Variants in TEX11 observed in about 807,000 individuals in gnomAD.
TEX11 encodes the protein testis expressed 11, also known as testis-expressed protein 11.
A neutral mutation model predicts 84.4 loss-of-function variants in TEX11; 7 were observed. The observed-to-expected ratio is 0.08, with a 90% CI of 0.05 to 0.16. TEX11 has a LOEUF of 0.16. Among genes scored for constraint, TEX11 ranks in the 10% least tolerant of loss-of-function variants. TEX11 has a pLI of 1.00. For missense variants in TEX11, 551 were observed against 660.5 expected (o/e 0.83, Z 1.82); for synonymous variants, 264 against 222.8 (o/e 1.18, Z -1.64).
At chrX:70,772,537 T>C (rs749413945) in intron 9 of TEX11, among the ~76,000 whole-genome samples, 1 of 111,319 alleles carries the variant, frequency 9.0e-6, no homozygotes, top group African/African-American at 3.3e-5. Context: ...ATCACAACAC[T>C]GCACTGCAGC....
At chrX:70,587,893 T>C (rs1012975041) in intron 25 of TEX11, among the ~76,000 whole-genome samples, 3 of 112,570 alleles carry the variant, frequency 2.7e-5, no homozygotes, top group African/African-American at 9.7e-5. Flanking sequence ...ACCCACCTCT[T>C]GCATCAGCAT....
intron 17 of TEX11, among the ~76,000 whole-genome samples, chrX:70,640,314 G>C (rs200665513): frequency 0.41 from 41,754 of 102,052 alleles, 8,145 homozygotes; most frequent in East Asian, 0.56. Flanking sequence ...GAAAGTGATG[G>C]GGAGAATGGA....
intron 2 of TEX11, among the ~76,000 whole-genome samples, chrX:70,885,474 T>C (rs1272918839): frequency 1.8e-5 from 2 of 111,616 alleles, no homozygotes; most frequent in East Asian, 2.8e-4. Flanking sequence ...CAAGAAGATA[T>C]ACAAATGGCC....
At chrX:70,519,230 T>C in the TEX11 span, among the ~76,000 whole-genome samples, 10 of 112,254 alleles carry the variant, frequency 8.9e-5, no homozygotes, top group East Asian at 2.8e-3. Flanking sequence ...CAATTTGGCA[T>C]GTTTTTGCAG....
chrX:70,577,153 G>A lies in TEX11; in HGVS notation c.2140+14598C>T, dbSNP rs774730390. On this transcript the variant is annotated intron_variant, in intron 25 of 29. Coordinates refer to ENST00000374333, the MANE Select transcript of TEX11 (RefSeq NM_031276.3). ...TCTCCACATGTATCATCTGCAAGTA[G>A]AAGGTCTAAAGAGACCTCATTGCAA... 1.6e-3 allele frequency among the ~76,000 whole-genome samples: 176 copies of A among 111,338 alleles called. 1 individual carries two copies. Among genetic ancestry groups the A allele is most frequent in the African/African-American group, 5.6e-3 (172 of 30,693 alleles).
intron 25 of TEX11, among the ~76,000 whole-genome samples, chrX:70,573,198 C>T (rs778076589): frequency 1.4e-4 from 16 of 110,906 alleles, no homozygotes; most frequent in Middle Eastern, 4.2e-3. Context: ...GGAACCCCTA[C>T]TATATTTCTT....
chrX:70,810,101 T>C (rs1489764952), intron 8 of TEX11, among the ~76,000 whole-genome samples: 1 of 111,728 alleles, frequency 9.0e-6, no homozygotes, highest in African/African-American at 3.3e-5. Context: ...AGATACCATC[T>C]CACGACAGTT....
intron 9 of TEX11, among the ~76,000 whole-genome samples, chrX:70,794,087 T>C (rs2091141001): frequency 9.0e-6 from 1 of 111,664 alleles, no homozygotes; most frequent in Admixed American, 9.5e-5. Flanking sequence ...CTTAACTTCA[T>C]ATAACTGAAA....
intron 7 of TEX11, among the ~76,000 whole-genome samples, chrX:70,850,795 C>T (rs2091504142): frequency 9.1e-6 from 1 of 109,608 alleles, no homozygotes; most frequent in Non-Finnish European, 1.9e-5. Flanking sequence ...TCTGGCCAGG[C>T]ATGGTGGCTC....
chrX:70,711,051 T>A (rs1364785964), intron 13 of TEX11, among the ~76,000 whole-genome samples: 19 of 110,106 alleles, frequency 1.7e-4, no homozygotes, highest in African/African-American at 6.3e-4. Flanking sequence ...TGGTTTTTTG[T>A]CCTTGCGATA....
intron 2 of TEX11, among the ~76,000 whole-genome samples, chrX:70,887,601 G>A (rs928476214): frequency 4.5e-5 from 5 of 112,178 alleles, no homozygotes; most frequent in African/African-American, 1.6e-4. Flanking sequence ...TCCAGGTCCC[G>A]GCTCCCAGAC....
chrX:70,843,643 A>G (rs1236132527), intron 7 of TEX11, among the ~76,000 whole-genome samples: 2 of 111,773 alleles, frequency 1.8e-5, no homozygotes, highest in Non-Finnish European at 3.8e-5. Flanking sequence ...CTGCACAGCA[A>G]AAGGAACTAC....
rs755650180 is a variant in TEX11 at position 70,619,727 on chromosome X, C to T, written c.1751+4223G>A. Among the ~76,000 whole-genome samples, 16 of 111,945 alleles carry T rather than the reference C, an allele frequency of 1.4e-4. No individual in the cohort carries two copies. The South Asian group carries it at 5.3e-3, about 37-fold the overall frequency. ...AAGCCTGGAAACCTCAGTAGCCTTG[C>T]CCTGGGACCTGGGAGACAATTTCAT... On this transcript the variant is annotated intron_variant, in intron 20 of 29. Coordinates refer to ENST00000374333, the MANE Select transcript of TEX11 (RefSeq NM_031276.3).
intron 9 of TEX11, among the ~76,000 whole-genome samples, chrX:70,750,827 C>G (rs1426569184): frequency 5.2e-5 from 5 of 95,595 alleles, no homozygotes. Flanking sequence ...TGCTAGATGA[C>G]GAGTTAGTGG....
chrX:70,716,572 C>T (rs974330860), intron 13 of TEX11, among the ~76,000 whole-genome samples: 5 of 112,641 alleles, frequency 4.4e-5, no homozygotes, highest in African/African-American at 1.6e-4. Flanking sequence ...GCTCTGTGGG[C>T]GTAGGACCCT....
intron 20 of TEX11, among the ~76,000 whole-genome samples, chrX:70,615,122 T>A (rs1447468730): frequency 9.0e-6 from 1 of 110,631 alleles, no homozygotes. Context: ...ATACTAATTA[T>A]TCAGTGCCCA....
intron 7 of TEX11, among the ~76,000 whole-genome samples, chrX:70,839,676 G>A (rs2091429777): frequency 9.0e-6 from 1 of 111,548 alleles, no homozygotes; most frequent in Admixed American, 9.6e-5. Context: ...AAGGCTTCAG[G>A]CAATCAAACT....
At chrX:70,551,994 T>C (rs905734863) in intron 28 of TEX11, 132 bp downstream of exon 28, 10 of 750,276 alleles carry the variant, frequency 1.3e-5, no homozygotes, top group Non-Finnish European at 1.8e-5. Context: ...CTGTAGTGTG[T>C]AACTACAAAA....
At chrX:70,797,078 G>A (rs1402168824) in intron 9 of TEX11, among the ~76,000 whole-genome samples, 1 of 112,099 alleles carries the variant, frequency 8.9e-6, no homozygotes, top group African/African-American at 3.2e-5. Context: ...ACTTAAAACA[G>A]AACTACTATT....
Sources: gnomAD v4.1 joint callset for allele counts (sites outside exome capture counted in the v4.1 genomes callset) on GRCh38, gnomAD v4.1.1 for gene constraint, MANE v1.5 for transcripts, NCBI Gene and HGNC (gene_info 2026-07-23, HGNC 2026-07-21) for gene names.